The following SLC20A2 variants were observed in gnomAD, a reference collection of about 807,000 sequenced individuals.
SLC20A2 encodes sodium-dependent phosphate transporter 2.
A neutral mutation model predicts 61.0 loss-of-function variants in SLC20A2; 30 were observed. The ratio of observed to expected loss-of-function variants is 0.49; its 90% CI spans 0.37 to 0.67. The LOEUF is 0.67. SLC20A2 is among the 30% of genes least tolerant of loss of function. The probability of loss-of-function intolerance (pLI) is 0.00; values close to 1 mark genes in which losing one functional copy is unlikely to be tolerated. For synonymous variants in SLC20A2, 351 were observed against 353.3 expected (o/e 0.99, Z 0.07); for missense variants, 626 against 866.4 (o/e 0.72, Z 3.48).
At chr8:42,420,301 C>T (rs530016717) in intron 10 of SLC20A2, among the ~76,000 whole-genome samples, 3 of 152,034 alleles carry the variant, frequency 2.0e-5, no homozygotes, top group African/African-American at 4.8e-5. Context: ...TCTGTGATAT[C>T]GAATACACAT....
intron 1 of SLC20A2, among the ~76,000 whole-genome samples, chr8:42,533,654 CTTTTT>C (rs1162369065): frequency 1.8e-5 from 1 of 55,310 alleles, no homozygotes. Context: ...ATCAACTGTT[CTTTTT>C]TTTTTTTTTT....
chr8:42,510,859 A>G (rs1810991103), intron 1 of SLC20A2, among the ~76,000 whole-genome samples: 1 of 151,624 alleles, frequency 6.6e-6, no homozygotes, highest in Admixed American at 6.6e-5. Flanking sequence ...TGGATTTTTG[A>G]AAAAAAAATT....
chr8:42,431,367 C>T (rs1803857632), intron 8 of SLC20A2, among the ~76,000 whole-genome samples: 1 of 152,216 alleles, frequency 6.6e-6, no homozygotes, highest in Non-Finnish European at 1.5e-5. Flanking sequence ...GAGCAAGGCC[C>T]TAGTTCTCTT....
chr8:42,440,280 A>G (rs865985696), intron 6 of SLC20A2, among the ~76,000 whole-genome samples: 9 of 152,176 alleles, frequency 5.9e-5, no homozygotes, highest in Admixed American at 5.9e-4. Context: ...CTGTAAATCT[A>G]TAGCCACCCA....
intron 1 of SLC20A2, among the ~76,000 whole-genome samples, chr8:42,496,294 T>A (rs944304739): frequency 1.3e-5 from 2 of 152,192 alleles, no homozygotes; most frequent in African/African-American, 4.8e-5. Context: ...CTAAATGCTA[T>A]ACAAAGTATA....
chr8:42,523,304 T>C (rs1811711655), intron 1 of SLC20A2, among the ~76,000 whole-genome samples: 1 of 152,134 alleles, frequency 6.6e-6, no homozygotes, highest in Non-Finnish European at 1.5e-5. Context: ...CACTCCAGCC[T>C]GGGCAACAAC....
intron 1 of SLC20A2, chr8:42,484,658 T>TA (rs1554565458): frequency 1.5e-5 from 5 of 341,432 alleles, no homozygotes; most frequent in African/African-American, 1.1e-4. Flanking sequence ...TGCAGCCCCA[T>TA]GGTGTCCCCT....
chr8:42,483,407 G>A (rs1808702879), intron 1 of SLC20A2, among the ~76,000 whole-genome samples: 1 of 152,184 alleles, frequency 6.6e-6, no homozygotes, highest in African/African-American at 2.4e-5. Flanking sequence ...ATTTGGATAG[G>A]AGAAACACAT....
chr8:42,448,746 A>G (rs752650823), intron 5 of SLC20A2, among the ~76,000 whole-genome samples: 1 of 151,974 alleles, frequency 6.6e-6, no homozygotes, highest in Non-Finnish European at 1.5e-5. Context: ...AAGAAGAGAG[A>G]AGGAATCTGG....
chr8:42,514,792 A>G (rs1441340990), intron 1 of SLC20A2, among the ~76,000 whole-genome samples: 5 of 151,932 alleles, frequency 3.3e-5, no homozygotes, highest in Admixed American at 3.3e-4. Context: ...CCCTTTTCCT[A>G]AGAAACATGC....
At chr8:42,532,832 G>C (rs1213875336) in intron 1 of SLC20A2, among the ~76,000 whole-genome samples, 1 of 152,190 alleles carries the variant, frequency 6.6e-6, no homozygotes, top group East Asian at 1.9e-4. Flanking sequence ...ACAGGCGAGG[G>C]TGAAGTGGCA....
chr8:42,423,090 C>T (rs16891290), intron 10 of SLC20A2, among the ~76,000 whole-genome samples: 3,662 of 152,164 alleles, frequency 0.024, 98 homozygotes, highest in South Asian at 0.11. Context: ...GAATTTTCAT[C>T]TTAGCATAAC....
intron 1 of SLC20A2, among the ~76,000 whole-genome samples, chr8:42,524,863 G>A (rs1232289245): frequency 6.6e-6 from 1 of 152,142 alleles, no homozygotes; most frequent in Non-Finnish European, 1.5e-5. Flanking sequence ...GACTGAGGCA[G>A]AAATCCAGAT....
intron 1 of SLC20A2, among the ~76,000 whole-genome samples, chr8:42,473,195 T>C (rs1293285060): frequency 6.6e-6 from 1 of 152,114 alleles, no homozygotes; most frequent in Non-Finnish European, 1.5e-5. Flanking sequence ...AGGTCACTCA[T>C]CTGGAGGGTG....
chr8:42,452,595 G>C (rs1805828712), intron 5 of SLC20A2, among the ~76,000 whole-genome samples: 1 of 151,038 alleles, frequency 6.6e-6, no homozygotes, highest in African/African-American at 2.4e-5. Context: ...AAGAGATGAA[G>C]AAGAGGAGGA....
intron 1 of SLC20A2, among the ~76,000 whole-genome samples, chr8:42,483,456 CCA>C (rs1420217420): frequency 6.6e-5 from 10 of 152,158 alleles, no homozygotes; most frequent in African/African-American, 2.4e-4. Flanking sequence ...AAGTGAGCTC[CCA>C]CTGGAAATGT....
chr8:42,509,942 A>T (rs1313833137), intron 1 of SLC20A2, among the ~76,000 whole-genome samples: 1 of 152,224 alleles, frequency 6.6e-6, no homozygotes, highest in Admixed American at 6.5e-5. Flanking sequence ...TTACTATGCA[A>T]GCTAATCTAA....
At chr8:42,431,688 G>A (rs1368533155) in intron 8 of SLC20A2, among the ~76,000 whole-genome samples, 1 of 152,204 alleles carries the variant, frequency 6.6e-6, no homozygotes, top group East Asian at 1.9e-4. Flanking sequence ...AGGACAGGCT[G>A]ACTCTCTTCT....
chr8:42,498,532 T>A (rs531744154), intron 1 of SLC20A2, among the ~76,000 whole-genome samples: 1 of 152,316 alleles, frequency 6.6e-6, no homozygotes, highest in Admixed American at 6.5e-5. Context: ...GGGTTGGAAC[T>A]ATGCTTTCCT....
Sources: allele counts gnomAD v4.1 joint callset (sites outside exome capture counted in the v4.1 genomes callset), GRCh38; gene constraint gnomAD v4.1.1; transcripts MANE v1.5; gene names NCBI Gene and HGNC (gene_info 2026-07-23, HGNC 2026-07-21).